Variants in TTC22 observed in about 807,000 individuals in gnomAD.
TTC22 encodes the protein tetratricopeptide repeat protein 22.
TTC22 carries 42 observed loss-of-function variants against 48.2 expected under a neutral mutation model. The ratio of observed to expected loss-of-function variants is 0.87; its 90% CI spans 0.68 to 1.13. The LOEUF (loss-of-function observed/expected upper bound fraction) is 1.13, where lower values mean the gene tolerates loss of function less well. Among genes scored for constraint, TTC22 ranks in the 50% most tolerant of loss-of-function variants. The probability of loss-of-function intolerance (pLI) is 0.00; values close to 1 mark genes in which losing one functional copy is unlikely to be tolerated. For missense variants in TTC22, 784 were observed against 807.0 expected (o/e 0.97, Z 0.34); for synonymous variants, 345 against 365.5 (o/e 0.94, Z 0.64).
In TTC22 at chr1:54,781,243, C is replaced by T. The variant is rs1413803041; in HGVS notation, c.1710G>A (p.Ter570=). Residue 570 remains the stop codon, a stop_retained_variant, in exon 7 of 7, where the codon TAG becomes TAA. Transcript: ENST00000371276. ...APRDRRAVSF[*] is the part of the protein sequence containing the mutation. ...AGCCTCCGGCCTGGGCACCTGAGCC[C>T]TAGAATGAGACAGCCCGGCGGTCCC... 2.7e-6 allele frequency: 4 copies of T among 1,461,446 alleles called. No homozygotes were observed. Among genetic ancestry groups the T allele is most frequent in the Non-Finnish European group, 3.6e-6 (4 of 1,115,492 alleles). The allele number at this position is 1,461,446 out of a possible 1,614,324, so 90.5% of individuals were successfully genotyped here. A position where few individuals can be genotyped will look rare whatever the true frequency, so the allele number is the denominator to read the frequency against.
In TTC22 at chr1:54,786,981, G is replaced by A. The variant is rs570712934; in HGVS notation, c.834C>T (p.Thr278=). ...CCTTGCCGAAGCAGTCTAGAGGGTCGGTCCCTGAGTACCCGCAGTCATGGA... is the reference window on the plus strand; with the variant it reads ...CCTTGCCGAAGCAGTCTAGAGGGTCAGTCCCTGAGTACCCGCAGTCATGGA... ...MGVHDCGYSG[T]DPLDCFGKAI... The change falls in exon 4 of 7, where the codon ACC becomes ACT. Residue 278 remains threonine (T), a synonymous_variant. Coordinates refer to ENST00000371276, the MANE Select transcript of TTC22 (RefSeq NM_001114108.2). 103 of 1,553,098 alleles carry A rather than the reference G, an allele frequency of 6.6e-5. No homozygotes were observed. The South Asian group carries it at 1.0e-3, about 16-fold the overall frequency.
In TTC22 at chr1:54,800,921, C is replaced by A; in HGVS notation, c.243G>T (p.Glu81Asp). Reference protein sequence around the residue: ...LLGAFAFYLEELDEARECFLE... With the variant: ...LLGAFAFYLEDLDEARECFLE... ...GGAAGCACTCGCGGGCCTCGTCCAGCTCCTCCAGGTAGAATGCGAAAGCGC... is the reference window on the plus strand; with the variant it reads ...GGAAGCACTCGCGGGCCTCGTCCAGATCCTCCAGGTAGAATGCGAAAGCGC... The change falls in exon 1 of 7, where the codon GAG becomes GAT. Residue 81 changes from glutamate (E) to aspartate (D), a missense_variant. By Grantham distance (45) the Glu-to-Asp change is conservative. Transcript: ENST00000371276. 1.2e-6 allele frequency: 2 copies of A among 1,609,564 alleles called. No individual in the cohort carries two copies.
intron 1 of TTC22, among the ~76,000 whole-genome samples, chr1:54,790,270 C>A (rs1222529488): frequency 6.6e-6 from 1 of 152,208 alleles, no homozygotes; most frequent in Non-Finnish European, 1.5e-5. Flanking sequence ...GTCACAGCTG[C>A]TCTAAAGCCT....
At chr1:54,799,253 T>G (rs1296496587) in intron 1 of TTC22, among the ~76,000 whole-genome samples, 1 of 152,166 alleles carries the variant, frequency 6.6e-6, no homozygotes, top group African/African-American at 2.4e-5. Context: ...TAGCACTCTC[T>G]CATCTGGATG....
Position 54,801,177 on chromosome 1 carries a change from G to T in TTC22, c.-14C>A. 6.2e-7 allele frequency: 1 copy of T among 1,608,634 alleles called. No homozygotes were observed. ...CAGCTCCGCCATGACTGCTCCCTCT[G>T]CTCCCCTGGCCTCACCCTTGTCCCT... On this transcript the variant is annotated 5_prime_UTR_variant, in exon 1 of 7. Coordinates refer to ENST00000371276, the MANE Select transcript of TTC22 (RefSeq NM_001114108.2).
chr1:54,800,650 C>G lies in TTC22; in HGVS notation c.514G>C (p.Gly172Arg), dbSNP rs1168580528. 3 of 1,555,244 alleles carry G rather than the reference C, an allele frequency of 1.9e-6. No individual in the cohort carries two copies. The highest frequency in any genetic ancestry group is 2.8e-5 in the African/African-American group (2 of 71,492). The change falls in exon 1 of 7, where the codon GGG (glycine) becomes CGG (arginine). Residue 172 changes from glycine (G) to arginine (R), a missense_variant. Physicochemically the swap from Gly to Arg is moderately radical, Grantham distance 125. Coordinates refer to ENST00000371276, the MANE Select transcript of TTC22 (RefSeq NM_001114108.2). ...TAGAGCGCGATGCCTGCCGCCAGCC[C>G]CCGCGCACGCTCCTCTGGGCTGGCG... is the stretch of plus-strand genomic sequence containing the variant. The part of the protein sequence containing the change: ...GCASPEERAR[G>R]LAAGIALYDK...
At chr1:54,791,929 G>A (rs529700657) in intron 1 of TTC22, among the ~76,000 whole-genome samples, 1 of 151,846 alleles carries the variant, frequency 6.6e-6, no homozygotes, top group Non-Finnish European at 1.5e-5. Flanking sequence ...GATATCCGAG[G>A]ACACCGAGAC....
At chr1:54,791,977 G>A (rs1646355238) in intron 1 of TTC22, among the ~76,000 whole-genome samples, 1 of 151,436 alleles carries the variant, frequency 6.6e-6, no homozygotes, top group South Asian at 2.1e-4. Context: ...TTCCACACTA[G>A]TTAGCATCAG....
chr1:54,789,323 T>C (rs905852669), intron 1 of TTC22, among the ~76,000 whole-genome samples: 1 of 152,184 alleles, frequency 6.6e-6, no homozygotes, highest in Non-Finnish European at 1.5e-5. Flanking sequence ...TTGGGTCATA[T>C]TGGCACTTCA....
intron 1 of TTC22, among the ~76,000 whole-genome samples, chr1:54,798,371 C>T (rs540346756): frequency 5.9e-5 from 9 of 152,324 alleles, no homozygotes; most frequent in African/African-American, 1.7e-4. Flanking sequence ...TCAGTCACTC[C>T]CACTTTATCC....
At chr1:54,795,569 C>T (rs56310814) in intron 1 of TTC22, among the ~76,000 whole-genome samples, 111 of 152,310 alleles carry the variant, frequency 7.3e-4, no homozygotes, top group Non-Finnish European at 1.2e-3. Flanking sequence ...ACTCTAGCAC[C>T]GGTAGTAGCT....
rs1646300191 is a variant in TTC22, at chr1:54,786,239, T to C, written c.859-95A>G. 2.4e-5 allele frequency: 28 copies of C among 1,168,064 alleles called. No individual in the cohort carries two copies. The South Asian group carries it at 3.9e-4, about 16-fold the overall frequency. The allele number at this position is 1,168,064 out of a possible 1,614,324, so 72.4% of individuals were successfully genotyped here. On this transcript the variant is annotated intron_variant, in intron 4 of 6. Transcript: ENST00000371276. ...GAACCACAGGAACCCCATCTTTGGATACAGCCGTATCAACATGGTGCCCTT... is the reference window on the plus strand; with the variant it reads ...GAACCACAGGAACCCCATCTTTGGACACAGCCGTATCAACATGGTGCCCTT...
At chr1:54,787,502 A>G in intron 3 of TTC22, 2 of 600,684 alleles carry the variant, frequency 3.3e-6, no homozygotes, top group Non-Finnish European at 3.0e-6. Flanking sequence ...CAGACGGGCA[A>G]GCCTGCAGTC....
At chr1:54,797,782 T>C (rs190417906) in intron 1 of TTC22, among the ~76,000 whole-genome samples, 6 of 152,248 alleles carry the variant, frequency 3.9e-5, no homozygotes, top group Non-Finnish European at 8.8e-5. Flanking sequence ...TTTATTATTA[T>C]TGTTATTATT....
chr1:54,798,310 C>G (rs759534846), intron 1 of TTC22, among the ~76,000 whole-genome samples: 7 of 152,208 alleles, frequency 4.6e-5, no homozygotes, highest in Non-Finnish European at 1.0e-4. Flanking sequence ...GTGTGTCCCC[C>G]CTCATTCCTG....
rs139323032 is a variant in TTC22, at chr1:54,787,748, G to T, written c.702C>A (p.Leu234=). Residue 234 remains leucine (L), a synonymous_variant, in exon 3 of 7, where the codon CTC becomes CTA. Transcript: ENST00000371276. ...GGTCCTCGGACTTCAGCACTTGCCGGAGTAGGGCCAGCGTGCGGTTGAAGG... is the reference window on the plus strand; with the variant it reads ...GGTCCTCGGACTTCAGCACTTGCCGTAGTAGGGCCAGCGTGCGGTTGAAGG... The part of the protein sequence containing the change: ...LPAFNRTLAL[L]RQVLKSEDPR... 262 of 1,613,458 alleles carry T rather than the reference G, an allele frequency of 1.6e-4. 1 individual carries two copies. The highest frequency in any genetic ancestry group is 4.5e-4 in the South Asian group (41 of 90,932).
intron 1 of TTC22, among the ~76,000 whole-genome samples, chr1:54,797,647 AAG>A (rs1646402770): frequency 6.6e-6 from 1 of 152,210 alleles, no homozygotes. Context: ...GAAAGAAAGA[AAG>A]AAATGGTAGG....
Position 54,785,966 on chromosome 1 carries a change from G to A in TTC22, c.1020+17C>T. ...ATTCCCAATGGCAGGGTATGGTGGG[G>A]CAGGAAGTTGACCCACCTTGGCCCT... On this transcript the variant is annotated intron_variant, in intron 5 of 6. Coordinates refer to ENST00000371276, the MANE Select transcript of TTC22 (RefSeq NM_001114108.2). 3 of 1,606,802 alleles carry A rather than the reference G, an allele frequency of 1.9e-6. No homozygotes were observed. The highest frequency in any genetic ancestry group is 2.6e-6 in the Non-Finnish European group (3 of 1,175,932).
At position 54,797,469 on chromosome 1, in the gene TTC22, T is replaced by G. The variant is rs536896903; in HGVS notation, c.567+3128A>C. On this transcript the variant is annotated intron_variant, in intron 1 of 6. Transcript: ENST00000371276. ...TTCAAGACCAGCCTGGCCAACATGGTGAAACCCAGTCTCTACAAAAATACA... is the reference window on the plus strand; with the variant it reads ...TTCAAGACCAGCCTGGCCAACATGGGGAAACCCAGTCTCTACAAAAATACA... Among the ~76,000 whole-genome samples, 17 of 152,224 alleles carry G rather than the reference T, an allele frequency of 1.1e-4. 1 individual carries two copies. Among genetic ancestry groups the G allele is most frequent in the Admixed American group, 9.8e-4 (15 of 15,294 alleles).
Sources: gnomAD v4.1 joint callset for allele counts (sites outside exome capture counted in the v4.1 genomes callset) on GRCh38, gnomAD v4.1.1 for gene constraint, MANE v1.5 for transcripts, NCBI Gene and HGNC (gene_info 2026-07-23, HGNC 2026-07-21) for gene names.